The following USP7 variants were observed in gnomAD, a reference collection of about 807,000 sequenced individuals.
USP7 encodes ubiquitin specific peptidase 7.
Under a neutral mutation model 162.9 loss-of-function variants are expected in USP7, and 9 were observed. The ratio of observed to expected loss-of-function variants is 0.06; its 90% CI spans 0.03 to 0.10. The LOEUF (loss-of-function observed/expected upper bound fraction) is 0.10, where lower values mean the gene tolerates loss of function less well. Ranked by LOEUF, USP7 falls within the 10% of genes least tolerant of loss-of-function variation. The probability of loss-of-function intolerance (pLI) is 1.00; values close to 1 mark genes in which losing one functional copy is unlikely to be tolerated. For synonymous variants in USP7, 562 were observed against 475.9 expected (o/e 1.18, Z -2.35); for missense variants, 715 against 1,373.7 (o/e 0.52, Z 7.58).
At chr16:8,956,595 T>C (rs1435397124) in intron 1 of USP7, among the ~76,000 whole-genome samples, 1 of 152,036 alleles carries the variant, frequency 6.6e-6, no homozygotes, top group Non-Finnish European at 1.5e-5. Flanking sequence ...TGAAACGCCA[T>C]CTCTACTAAA....
At chr16:8,929,981 G>C (rs1161369250) in intron 2 of USP7, among the ~76,000 whole-genome samples, 1 of 152,156 alleles carries the variant, frequency 6.6e-6, no homozygotes, top group East Asian at 1.9e-4. Flanking sequence ...AAGAAGGAGA[G>C]TAAGACATGC....
intron 1 of USP7, 74 bp from the exon 2 acceptor site, chr16:8,930,471 T>A: frequency 3.7e-6 from 4 of 1,067,352 alleles, no homozygotes; most frequent in Non-Finnish European, 4.0e-6. Context: ...TATAAACTTA[T>A]ACTTTTGATG....
At chr16:8,913,922 G>A (rs189473952) in intron 10 of USP7, among the ~76,000 whole-genome samples, 9 of 151,890 alleles carry the variant, frequency 5.9e-5, no homozygotes, top group Admixed American at 4.6e-4. Context: ...CTAATTTGTA[G>A]AGATGGAGTC....
chr16:8,941,878 G>C (rs1041905415), intron 1 of USP7, among the ~76,000 whole-genome samples: 2 of 152,226 alleles, frequency 1.3e-5, no homozygotes, highest in Non-Finnish European at 2.9e-5. Context: ...TGGTCTCCTG[G>C]TGCTCACTAG....
intron 1 of USP7, among the ~76,000 whole-genome samples, chr16:8,939,777 G>C (rs1268645180): frequency 6.6e-6 from 1 of 152,164 alleles, no homozygotes; most frequent in Non-Finnish European, 1.5e-5. Context: ...CCAAAACATT[G>C]TCATGATTTA....
At chr16:8,929,703 A>C (rs1259240847) in intron 2 of USP7, among the ~76,000 whole-genome samples, 1 of 152,168 alleles carries the variant, frequency 6.6e-6, no homozygotes, top group Non-Finnish European at 1.5e-5. Flanking sequence ...TAATTTGATA[A>C]ATTTAAAGAA....
At chr16:8,920,266 A>T in intron 5 of USP7, 93 bp downstream of exon 5, 1 of 1,088,310 alleles carries the variant, frequency 9.2e-7, no homozygotes, top group Non-Finnish European at 1.4e-6. Flanking sequence ...CTTACTGATT[A>T]AATATGTGCA....
intron 1 of USP7, among the ~76,000 whole-genome samples, chr16:8,948,557 T>C (rs1471811471): frequency 6.6e-6 from 1 of 152,206 alleles, no homozygotes; most frequent in Non-Finnish European, 1.5e-5. Context: ...TTAAAAATAC[T>C]GACTAAAGCC....
Position 8,893,848 on chromosome 16 carries a change from C to T in USP7, c.*150G>A, listed in dbSNP as rs186862899. The T allele has an allele frequency of 1.0e-5, 7 of 675,506 alleles. No homozygotes were observed. In the African/African-American group the frequency reaches 1.1e-4, roughly 10 times the overall value. The allele number at this position is 675,506 out of a possible 1,614,324, so 41.8% of individuals were successfully genotyped here. A position where few individuals can be genotyped will look rare whatever the true frequency, so the allele number is the denominator to read the frequency against. On this transcript the variant is annotated 3_prime_UTR_variant, in exon 31 of 31. Transcript: ENST00000344836. ...AGGGCAGTCAATAGATACAGAGAAGCCAAACTGAACAGCCTCAATAAAATA... is the reference window on the plus strand; with the variant it reads ...AGGGCAGTCAATAGATACAGAGAAGTCAAACTGAACAGCCTCAATAAAATA...
chr16:8,925,440 T>C (rs1897935058), intron 2 of USP7, among the ~76,000 whole-genome samples: 3 of 152,248 alleles, frequency 2.0e-5, no homozygotes, highest in African/African-American at 4.8e-5. Flanking sequence ...CCAACCCATC[T>C]ATTTTATATA....
chr16:8,959,246 A>T (rs1277504510), intron 1 of USP7, among the ~76,000 whole-genome samples: 1 of 152,154 alleles, frequency 6.6e-6, no homozygotes, highest in East Asian at 1.9e-4. Context: ...GGCAAAACCC[A>T]GATTCAAACC....
At chr16:8,905,073 A>C (rs1014433246) in intron 14 of USP7, 114 bp downstream of exon 14, 12 of 1,343,750 alleles carry the variant, frequency 8.9e-6, no homozygotes, top group Non-Finnish European at 1.3e-5. Flanking sequence ...GCTGCTGTGA[A>C]TACAATGGAA....
intron 1 of USP7, among the ~76,000 whole-genome samples, chr16:8,950,049 C>T (rs534836402): frequency 1.4e-4 from 22 of 152,350 alleles, no homozygotes; most frequent in African/African-American, 5.3e-4. Context: ...GCGCTTGAAA[C>T]ATGGCTGTTG....
chr16:8,957,498 C>G (rs1899855571), intron 1 of USP7, among the ~76,000 whole-genome samples: 1 of 151,616 alleles, frequency 6.6e-6, no homozygotes, highest in East Asian at 1.9e-4. Flanking sequence ...AATCCCAGTG[C>G]TTTGAGAGGT....
intron 1 of USP7, among the ~76,000 whole-genome samples, chr16:8,947,092 T>A (rs1899317660): frequency 6.6e-6 from 1 of 152,164 alleles, no homozygotes; most frequent in Admixed American, 6.5e-5. Flanking sequence ...TTCCTCCTGT[T>A]TTTTTCAGTA....
chr16:8,895,297 G>A, intron 27 of USP7, 147 bp from the exon 28 acceptor site: 1 of 1,259,314 alleles, frequency 7.9e-7, no homozygotes, highest in Non-Finnish European at 1.1e-6. Context: ...CCAGAGTGAT[G>A]GGCACTCATG....
intron 11 of USP7, among the ~76,000 whole-genome samples, 182 bp downstream of exon 11, chr16:8,910,563 A>G (rs1369258856): frequency 6.6e-6 from 1 of 151,944 alleles, no homozygotes; most frequent in Non-Finnish European, 1.5e-5. Flanking sequence ...AACCAGCTGC[A>G]CTCCATCTCC....
intron 4 of USP7, among the ~76,000 whole-genome samples, chr16:8,920,869 T>C (rs1160554165): frequency 1.3e-5 from 2 of 152,244 alleles, no homozygotes; most frequent in South Asian, 2.1e-4. Context: ...CACTCAGTAC[T>C]ATGCCTGAAT....
intron 23 of USP7, 48 bp downstream of exon 23, chr16:8,899,065 TGAACTGTG>T: frequency 1.3e-6 from 2 of 1,547,830 alleles, no homozygotes; most frequent in Non-Finnish European, 1.8e-6. Flanking sequence ...GATGTTTCAA[TGAACTGTG>T]GAAAGCATGC....
Sources: allele counts gnomAD v4.1 joint callset (sites outside exome capture counted in the v4.1 genomes callset), GRCh38; gene constraint gnomAD v4.1.1; transcripts MANE v1.5; gene names NCBI Gene and HGNC (gene_info 2026-07-23, HGNC 2026-07-21).